Variants in GOLM1 observed in about 807,000 individuals in gnomAD.
GOLM1 encodes golgi membrane protein 1, also known as epididymis luminal protein 46.
In GOLM1, 31 loss-of-function variants were observed where a neutral mutation model predicts 50.5. The ratio of observed to expected loss-of-function variants is 0.61; its 90% CI spans 0.46 to 0.83. GOLM1 has a LOEUF of 0.83. Ranked by LOEUF, GOLM1 falls within the 40% of genes least tolerant of loss-of-function variation. The pLI is 0.00. For synonymous variants in GOLM1, 178 were observed against 192.8 expected (o/e 0.92, Z 0.64); for missense variants, 491 against 501.3 (o/e 0.98, Z 0.20).
intron 4 of GOLM1, among the ~76,000 whole-genome samples, chr9:86,049,902 T>C (rs1217976351): frequency 1.3e-5 from 2 of 152,154 alleles, no homozygotes; most frequent in African/African-American, 2.4e-5. Flanking sequence ...TCCAACACTA[T>C]GTTGAATAGG....
chr9:86,079,948 C>A (rs1834739086), intron 1 of GOLM1: 1 of 37,398 alleles, frequency 2.7e-5, no homozygotes, highest in South Asian at 6.1e-4. Context: ...ATGTGAACTC[C>A]CCCCCATGTA....
At chr9:86,070,611 T>C (rs1002785535) in intron 3 of GOLM1, among the ~76,000 whole-genome samples, 18 of 151,432 alleles carry the variant, frequency 1.2e-4, no homozygotes, top group African/African-American at 4.4e-4. Flanking sequence ...TCTCTAGATA[T>C]GTGAGGGAAT....
chr9:86,030,918 TAAA>T (rs1352359713), intron 9 of GOLM1, among the ~76,000 whole-genome samples: 3 of 152,136 alleles, frequency 2.0e-5, no homozygotes, highest in Non-Finnish European at 2.9e-5. Context: ...CAGATGGTAA[TAAA>T]AGAAGGTATT....
chr9:86,030,650 C>A (rs1053039641), intron 9 of GOLM1, among the ~76,000 whole-genome samples: 1 of 152,126 alleles, frequency 6.6e-6, no homozygotes, highest in African/African-American at 2.4e-5. Context: ...AGTGTATAAT[C>A]CTGAACCCAG....
intron 6 of GOLM1, among the ~76,000 whole-genome samples, chr9:86,037,426 G>A (rs1219649854): frequency 7.3e-6 from 1 of 137,918 alleles, no homozygotes; most frequent in Admixed American, 7.6e-5. Flanking sequence ...GCGACAGAGC[G>A]AGACTGTCTC....
chr9:86,035,068 C>T, intron 8 of GOLM1: 1 of 985,314 alleles, frequency 1.0e-6, no homozygotes, highest in Non-Finnish European at 1.2e-6. Context: ...GGCCTGCCTG[C>T]CAGGAGGGGG....
intron 1 of GOLM1, chr9:86,084,952 G>A (rs563093562): frequency 6.6e-6 from 1 of 152,450 alleles, no homozygotes; most frequent in African/African-American, 2.4e-5. Context: ...GGCTGAGGCA[G>A]AAGAATCACT....
chr9:86,026,568 G>A lies in GOLM1; in HGVS notation c.*1249C>T. ...AGAGGGTTGGATCAAACGATCTCTG[G>A]GGCCTTAGCATCTCAAATCCTGTGG... On this transcript the variant is annotated 3_prime_UTR_variant, in exon 10 of 10. Transcript: ENST00000388712. The A allele has an allele frequency of 7.6e-6, 7 of 919,604 alleles. No homozygotes were observed. Among genetic ancestry groups the A allele is most frequent in the Non-Finnish European group, 9.1e-6 (7 of 769,970 alleles). The allele number at this position is 919,604 out of a possible 1,614,324, so 57.0% of individuals were successfully genotyped here.
intron 1 of GOLM1, among the ~76,000 whole-genome samples, chr9:86,088,578 T>TG: frequency 6.8e-6 from 1 of 147,006 alleles, no homozygotes; most frequent in South Asian, 2.2e-4. Context: ...TTTTGTTTTT[T>TG]TTTTTTTTTT....
chr9:86,057,664 G>A (rs1587716720), intron 3 of GOLM1, among the ~76,000 whole-genome samples: 1 of 152,330 alleles, frequency 6.6e-6, no homozygotes, highest in South Asian at 2.1e-4. Context: ...AGGGCTCCCG[G>A]CTGGAAGCGG....
chr9:86,062,174 G>A (rs919301615), intron 3 of GOLM1, among the ~76,000 whole-genome samples: 10 of 152,156 alleles, frequency 6.6e-5, no homozygotes, highest in Admixed American at 3.3e-4. Flanking sequence ...TGGCGGGTGT[G>A]GGAAAGCACC....
chr9:86,058,863 G>A (rs1488072874), intron 3 of GOLM1, among the ~76,000 whole-genome samples: 2 of 152,088 alleles, frequency 1.3e-5, no homozygotes, highest in African/African-American at 2.4e-5. Context: ...CGGATGTGGT[G>A]GCAGGTGCCT....
intron 1 of GOLM1, among the ~76,000 whole-genome samples, chr9:86,098,819 G>A (rs529629013): frequency 6.6e-6 from 1 of 152,224 alleles, no homozygotes; most frequent in African/African-American, 2.4e-5. Context: ...CCACGAGAAC[G>A]GGATGCAGCC....
intron 3 of GOLM1, among the ~76,000 whole-genome samples, chr9:86,074,946 G>A (rs1348214744): frequency 6.6e-6 from 1 of 152,128 alleles, no homozygotes; most frequent in Non-Finnish European, 1.5e-5. Flanking sequence ...CTGAGTGTGG[G>A]TGTCCTTCAA....
At chr9:86,081,223 T>C (rs906203860) in intron 1 of GOLM1, among the ~76,000 whole-genome samples, 1 of 146,970 alleles carries the variant, frequency 6.8e-6, no homozygotes, top group African/African-American at 2.5e-5. Flanking sequence ...TGAGACGGAG[T>C]TTCGCTCTTG....
intron 3 of GOLM1, 111 bp downstream of exon 3, chr9:86,077,301 A>C (rs1451367079): frequency 1.2e-6 from 1 of 835,362 alleles, no homozygotes; most frequent in Admixed American, 2.1e-5. Context: ...CTTTCCACAT[A>C]ATTACATAAA....
rs1232773099 is a variant in GOLM1 at position 86,079,185 on chromosome 9, A to G, written c.129+7T>C. On this transcript the variant is annotated splice_region_variant and intron_variant, in intron 2 of 9. Coordinates refer to ENST00000388712, the MANE Select transcript of GOLM1 (RefSeq NM_016548.4). ...AAATAAACATAACAATAAAGAAAAC[A>G]AAACACCTGGAGGTCCACGCTCCGG... The G allele has an allele frequency of 9.8e-6, 15 of 1,536,120 alleles. No individual in the cohort carries two copies. The highest frequency in any genetic ancestry group is 1.4e-5 in the African/African-American group (1 of 71,200).
At chr9:86,057,059 TA>T (rs1417212970) in intron 3 of GOLM1, among the ~76,000 whole-genome samples, 1 of 152,138 alleles carries the variant, frequency 6.6e-6, no homozygotes, top group Non-Finnish European at 1.5e-5. Context: ...ACTTTAGGGG[TA>T]GCTGTACTTC....
At position 86,026,974 on chromosome 9, in the gene GOLM1, C is replaced by G. The variant is rs927792156; in HGVS notation, c.*843G>C. ...CAGATCTGTCCACAACAAACTTGCCCTCTCATGCCTTGCCTCTCACCATGC... is the reference window on the plus strand; with the variant it reads ...CAGATCTGTCCACAACAAACTTGCCGTCTCATGCCTTGCCTCTCACCATGC... On this transcript the variant is annotated 3_prime_UTR_variant, in exon 10 of 10. Transcript: ENST00000388712. The G allele has an allele frequency of 9.1e-6, 9 of 985,340 alleles. No homozygotes were observed. The highest frequency in any genetic ancestry group is 1.1e-5 in the Non-Finnish European group (9 of 829,912). The allele number at this position is 985,340 out of a possible 1,614,324, so 61.0% of individuals were successfully genotyped here. A position where few individuals can be genotyped will look rare whatever the true frequency, so the allele number is the denominator to read the frequency against.
Sources: gnomAD v4.1 joint callset for allele counts (sites outside exome capture counted in the v4.1 genomes callset) on GRCh38, gnomAD v4.1.1 for gene constraint, MANE v1.5 for transcripts, NCBI Gene and HGNC (gene_info 2026-07-23, HGNC 2026-07-21) for gene names.